Variants in TRDN observed in about 807,000 individuals in gnomAD.
TRDN encodes the protein triadin.
Under a neutral mutation model 149.7 loss-of-function variants are expected in TRDN, and 161 were observed. That is an observed-to-expected ratio of 1.08 (90% CI 0.95 to 1.23). The LOEUF (loss-of-function observed/expected upper bound fraction) is 1.23. TRDN is among the 50% of genes most tolerant of loss of function. The pLI, the probability that TRDN is intolerant of heterozygous loss-of-function variation, is 0.00. For synonymous variants in TRDN, 294 were observed against 250.5 expected (o/e 1.17, Z -1.64); for missense variants, 896 against 823.5 (o/e 1.09, Z -1.08).
intron 10 of TRDN, among the ~76,000 whole-genome samples, chr6:123,453,502 A>C (rs774644252): frequency 6.6e-6 from 1 of 152,190 alleles, no homozygotes; most frequent in Non-Finnish European, 1.5e-5. Flanking sequence ...CAAAAATATG[A>C]AAAAATGCTC....
At chr6:123,592,476 C>T (rs1783832368) in intron 1 of TRDN, among the ~76,000 whole-genome samples, 1 of 152,082 alleles carries the variant, frequency 6.6e-6, no homozygotes, top group Non-Finnish European at 1.5e-5. Flanking sequence ...CGTCACTTTC[C>T]TTGGGGTCAA....
chr6:123,363,699 C>T (rs1163177922), intron 20 of TRDN, among the ~76,000 whole-genome samples: 3 of 152,180 alleles, frequency 2.0e-5, no homozygotes, highest in African/African-American at 7.2e-5. Context: ...AGTGACCATT[C>T]TTAGTTGAGG....
intron 23 of TRDN, among the ~76,000 whole-genome samples, chr6:123,316,781 A>T (rs1192124862): frequency 1.3e-5 from 2 of 151,848 alleles, no homozygotes; most frequent in Non-Finnish European, 2.9e-5. Context: ...AAAAGCCAGG[A>T]CTTATAATTT....
At chr6:123,325,288 C>T (rs1281895672) in intron 23 of TRDN, among the ~76,000 whole-genome samples, 1 of 151,996 alleles carries the variant, frequency 6.6e-6, no homozygotes, top group African/African-American at 2.4e-5. Flanking sequence ...TGTAGTATTT[C>T]TCCTTAAAAT....
intron 40 of TRDN, among the ~76,000 whole-genome samples, chr6:123,220,801 T>C (rs1775119105): frequency 6.6e-6 from 1 of 151,806 alleles, no homozygotes; most frequent in African/African-American, 2.4e-5. Context: ...TTAAAAGCAT[T>C]ATGTGACACA....
chr6:123,491,234 T>A (rs796320104), intron 9 of TRDN, among the ~76,000 whole-genome samples: 29 of 152,208 alleles, frequency 1.9e-4, no homozygotes, highest in African/African-American at 7.0e-4. Context: ...TTTATAAAAA[T>A]TAAAGTACTA....
chr6:123,457,786 T>C (rs1203712268), intron 10 of TRDN, among the ~76,000 whole-genome samples: 1 of 152,190 alleles, frequency 6.6e-6, no homozygotes, highest in African/African-American at 2.4e-5. Flanking sequence ...AAGAAAAAAT[T>C]GAAAATATGT....
chr6:123,357,603 C>G (rs1226532273), intron 20 of TRDN, among the ~76,000 whole-genome samples: 1 of 152,080 alleles, frequency 6.6e-6, no homozygotes, highest in African/African-American at 2.4e-5. Context: ...AATGTTCTGT[C>G]TCAAATCAAC....
intron 32 of TRDN, among the ~76,000 whole-genome samples, chr6:123,266,393 G>A (rs1416735861): frequency 1.9e-5 from 2 of 104,276 alleles, no homozygotes; most frequent in African/African-American, 8.6e-5. Flanking sequence ...TATATATTAT[G>A]ATATGTATTA....
At chr6:123,496,081 A>G (rs929171223) in intron 9 of TRDN, among the ~76,000 whole-genome samples, 5 of 146,980 alleles carry the variant, frequency 3.4e-5, no homozygotes, top group African/African-American at 1.2e-4. Flanking sequence ...ATATTAATAT[A>G]ATATATTAAT....
At chr6:123,368,405 T>C (rs1053320663) in intron 19 of TRDN, among the ~76,000 whole-genome samples, 28 of 152,230 alleles carry the variant, frequency 1.8e-4, no homozygotes, top group African/African-American at 6.5e-4. Context: ...GAATCATTCT[T>C]AACCCTGTCT....
intron 38 of TRDN, among the ~76,000 whole-genome samples, chr6:123,239,427 G>A (rs949802429): frequency 6.6e-6 from 1 of 152,088 alleles, no homozygotes; most frequent in African/African-American, 2.4e-5. Flanking sequence ...CTATAGAATT[G>A]TGCTTTCAAC....
At chr6:123,484,531 T>C (rs1419241528) in intron 9 of TRDN, among the ~76,000 whole-genome samples, 1 of 152,202 alleles carries the variant, frequency 6.6e-6, no homozygotes, top group Non-Finnish European at 1.5e-5. Context: ...TTTCCTTGTT[T>C]CTCATGCAGC....
chr6:123,628,891 A>G (rs1004578945), intron 1 of TRDN, among the ~76,000 whole-genome samples: 2 of 152,152 alleles, frequency 1.3e-5, no homozygotes, highest in African/African-American at 4.8e-5. Context: ...TAGGATGATA[A>G]TTAATACCAT....
Position 123,503,102 on chromosome 6 carries a change from GA to G in TRDN, c.793+616del, listed in dbSNP as rs144972678. On this transcript the variant is annotated intron_variant, in intron 8 of 40. Coordinates refer to ENST00000334268, the MANE Select transcript of TRDN (RefSeq NM_006073.4). ...TAAGTTTGACATCACTCTTGCTGAA[GA>G]ATGGCGAAATATGTCACATTCAGAG... is the stretch of plus-strand genomic sequence containing the variant. 1,085 of 985,302 alleles carry G rather than the reference GA, an allele frequency of 1.1e-3. 14 individuals carry two copies. In the African/African-American group the frequency reaches 0.017, roughly 16 times the overall value. 61.0% of individuals were successfully genotyped at this position (985,302 alleles called of 1,614,324 possible).
At chr6:123,537,740 T>A (rs1780622325) in intron 4 of TRDN, among the ~76,000 whole-genome samples, 1 of 152,222 alleles carries the variant, frequency 6.6e-6, no homozygotes, top group Non-Finnish European at 1.5e-5. Flanking sequence ...AGGCTGGTAG[T>A]AGCAGCAACC....
At chr6:123,365,150 T>C (rs1286902844) in intron 20 of TRDN, among the ~76,000 whole-genome samples, 4 of 152,212 alleles carry the variant, frequency 2.6e-5, no homozygotes, top group African/African-American at 9.6e-5. Context: ...TTCAGAATAA[T>C]AGAGCTGTAT....
intron 1 of TRDN, among the ~76,000 whole-genome samples, chr6:123,600,519 A>T (rs1028310542): frequency 1.3e-5 from 2 of 152,026 alleles, no homozygotes; most frequent in African/African-American, 4.8e-5. Flanking sequence ...GAGTCCTGGC[A>T]GTGGGGGCCT....
intron 1 of TRDN, among the ~76,000 whole-genome samples, chr6:123,621,267 T>C (rs1248591335): frequency 2.6e-5 from 4 of 152,146 alleles, no homozygotes; most frequent in African/African-American, 9.7e-5. Context: ...ATCCATTTTA[T>C]ATATCTTGTG....
Sources: allele counts gnomAD v4.1 joint callset (sites outside exome capture counted in the v4.1 genomes callset), GRCh38; gene constraint gnomAD v4.1.1; transcripts MANE v1.5; gene names NCBI Gene and HGNC (gene_info 2026-07-23, HGNC 2026-07-21).